The following EVA1C variants were observed in gnomAD, a reference collection of about 807,000 sequenced individuals.
The protein encoded by EVA1C is protein eva-1 homolog C.
Under a neutral mutation model 45.4 loss-of-function variants are expected in EVA1C, and 25 were observed. The ratio of observed to expected loss-of-function variants is 0.55; its 90% CI spans 0.40 to 0.77. The LOEUF is 0.77. Among genes scored for constraint, EVA1C ranks in the 30% least tolerant of loss-of-function variants. The pLI, the probability that EVA1C is intolerant of heterozygous loss-of-function variation, is 0.00. For synonymous variants in EVA1C, 190 were observed against 221.2 expected (o/e 0.86, Z 1.25); for missense variants, 479 against 554.8 (o/e 0.86, Z 1.37).
At chr21:32,460,676 C>T (rs1312467963) in intron 3 of EVA1C, among the ~76,000 whole-genome samples, 1 of 152,056 alleles carries the variant, frequency 6.6e-6, no homozygotes, top group Non-Finnish European at 1.5e-5. Flanking sequence ...GAGTTTCACA[C>T]AAATATGTGC....
intron 1 of EVA1C, among the ~76,000 whole-genome samples, chr21:32,445,375 T>C (rs2035326297): frequency 6.6e-6 from 1 of 152,156 alleles, no homozygotes; most frequent in Admixed American, 6.5e-5. Context: ...TCAACAGAAA[T>C]ATTTTCAAGT....
intron 7 of EVA1C, among the ~76,000 whole-genome samples, chr21:32,506,210 A>G (rs1446507079): frequency 1.1e-4 from 16 of 149,336 alleles, no homozygotes; most frequent in Non-Finnish European, 5.9e-5. Flanking sequence ...CCACAGGGTC[A>G]GGTGCCTTGT....
chr21:32,489,609 A>T (rs1424263008), intron 4 of EVA1C, among the ~76,000 whole-genome samples: 4 of 152,162 alleles, frequency 2.6e-5, no homozygotes, highest in Non-Finnish European at 5.9e-5. Context: ...TATGAATTTC[A>T]GCATTGTTTT....
intron 4 of EVA1C, among the ~76,000 whole-genome samples, chr21:32,473,237 G>T (rs927872766): frequency 6.6e-6 from 1 of 152,340 alleles, no homozygotes; most frequent in Non-Finnish European, 1.5e-5. Context: ...TAACACCTGC[G>T]TGTGTTCCAA....
chr21:32,468,005 C>A, intron 4 of EVA1C, 157 bp downstream of exon 4: 1 of 380,764 alleles, frequency 2.6e-6, no homozygotes, highest in Non-Finnish European at 4.1e-6. Flanking sequence ...ACTTAATAAA[C>A]TCCCGTGTGT....
chr21:32,430,199 A>G (rs376693606), intron 1 of EVA1C, among the ~76,000 whole-genome samples: 1 of 151,814 alleles, frequency 6.6e-6, no homozygotes, highest in East Asian at 1.9e-4. Context: ...CTCAGTTTAC[A>G]TGGGAGCTTG....
chr21:32,458,645 C>A (rs2035881384), intron 3 of EVA1C, among the ~76,000 whole-genome samples: 1 of 151,540 alleles, frequency 6.6e-6, no homozygotes, highest in South Asian at 2.1e-4. Context: ...CCACGCCTGG[C>A]TAATTTTGTA....
intron 1 of EVA1C, among the ~76,000 whole-genome samples, chr21:32,431,934 C>G (rs1237764366): frequency 6.6e-6 from 1 of 152,148 alleles, no homozygotes; most frequent in African/African-American, 2.4e-5. Context: ...GCCAGTTAAC[C>G]CAATAGTGTA....
intron 1 of EVA1C, among the ~76,000 whole-genome samples, chr21:32,426,306 T>C (rs2034484848): frequency 2.6e-5 from 4 of 152,196 alleles, no homozygotes; most frequent in Admixed American, 2.6e-4. Context: ...CGTGCGAGGA[T>C]GTGTTTGCAA....
intron 1 of EVA1C, among the ~76,000 whole-genome samples, chr21:32,428,075 G>A (rs753329864): frequency 3.9e-5 from 6 of 151,948 alleles, no homozygotes; most frequent in African/African-American, 9.7e-5. Flanking sequence ...CTGAAGCATC[G>A]TATCTGACCC....
At chr21:32,487,160 G>A (rs1469618661) in intron 4 of EVA1C, among the ~76,000 whole-genome samples, 1 of 152,156 alleles carries the variant, frequency 6.6e-6, no homozygotes, top group Admixed American at 6.6e-5. Flanking sequence ...AACCACACCT[G>A]AGTTTACGTA....
chr21:32,434,149 A>G (rs574147322), intron 1 of EVA1C, among the ~76,000 whole-genome samples: 1 of 151,854 alleles, frequency 6.6e-6, no homozygotes, highest in South Asian at 2.1e-4. Flanking sequence ...CAAAAAAATT[A>G]GCTGGGCATA....
intron 5 of EVA1C, chr21:32,496,667 C>T (rs1001769526): frequency 7.3e-6 from 4 of 547,732 alleles, no homozygotes; most frequent in East Asian, 3.0e-5. Context: ...ACGGGTCACA[C>T]TGAGGTTCCA....
At chr21:32,513,910 C>T (rs2038051958) in intron 7 of EVA1C, among the ~76,000 whole-genome samples, 1 of 152,110 alleles carries the variant, frequency 6.6e-6, no homozygotes, top group South Asian at 2.1e-4. Context: ...TTCAACCAAC[C>T]TCAGACTGAA....
chr21:32,507,718 A>C (rs1420305635), intron 7 of EVA1C, among the ~76,000 whole-genome samples: 1 of 148,972 alleles, frequency 6.7e-6, no homozygotes, highest in Admixed American at 6.7e-5. Flanking sequence ...GTGTGTGTGC[A>C]TGTGTGTGCA....
At chr21:32,513,821 G>A (rs1166260720) in intron 7 of EVA1C, among the ~76,000 whole-genome samples, 6 of 151,998 alleles carry the variant, frequency 3.9e-5, no homozygotes, top group Admixed American at 1.3e-4. Context: ...GATTACCAGC[G>A]TGAGCCACGA....
At chr21:32,428,839 C>T (rs2034587081) in intron 1 of EVA1C, among the ~76,000 whole-genome samples, 1 of 152,120 alleles carries the variant, frequency 6.6e-6, no homozygotes, top group Non-Finnish European at 1.5e-5. Context: ...ATTATTCAAG[C>T]AAGCTGTGAG....
rs2036596047 is a variant in EVA1C at position 32,477,078 on chromosome 21, T to C, written c.634+9230T>C. ...CATATGGAAAGGGGGTAAAGAGAGATGCCACTGAATGCTGGCATCAATGGC... is the reference window on the plus strand; with the variant it reads ...CATATGGAAAGGGGGTAAAGAGAGACGCCACTGAATGCTGGCATCAATGGC... On this transcript the variant is annotated intron_variant, in intron 4 of 7. Coordinates refer to ENST00000300255, the MANE Select transcript of EVA1C (RefSeq NM_058187.5). Among the ~76,000 whole-genome samples, 7 of 152,134 alleles carry C rather than the reference T, an allele frequency of 4.6e-5. No homozygotes were observed. In the South Asian group the frequency reaches 1.5e-3, roughly 32 times the overall value.
intron 1 of EVA1C, among the ~76,000 whole-genome samples, chr21:32,416,033 C>G (rs11701033): frequency 0.16 from 23,936 of 152,164 alleles, 2,195 homozygotes; most frequent in Admixed American, 0.23. Context: ...GTTCTTTGTT[C>G]AGAGAACAAG....
Sources: gnomAD v4.1 joint callset for allele counts (sites outside exome capture counted in the v4.1 genomes callset) on GRCh38, gnomAD v4.1.1 for gene constraint, MANE v1.5 for transcripts, NCBI Gene and HGNC (gene_info 2026-07-23, HGNC 2026-07-21) for gene names.